FAM184A: variants seen among roughly 807,000 people sequenced by gnomAD.
FAM184A encodes family with sequence similarity 184 member A.
FAM184A carries 99 observed loss-of-function variants against 143.8 expected under a neutral mutation model. That is an observed-to-expected ratio of 0.69 (90% CI 0.58 to 0.81). FAM184A has a LOEUF of 0.81. Among genes scored for constraint, FAM184A ranks in the 40% least tolerant of loss-of-function variants. The pLI, the probability that FAM184A is intolerant of heterozygous loss-of-function variation, is 0.00. For synonymous variants in FAM184A, 427 were observed against 446.4 expected, an observed-to-expected ratio of 0.96 and a Z score of 0.55; for missense variants, 1,217 against 1,310.5, an observed-to-expected ratio of 0.93 and a Z score of 1.10.
chr6:118,983,174 A>G (rs905373481), intron 9 of FAM184A, among the ~76,000 whole-genome samples: 3 of 152,346 alleles, frequency 2.0e-5, no homozygotes, highest in South Asian at 2.1e-4. Flanking sequence ...ATGCAATGCA[A>G]TATCAAAATT....
Position 119,024,386 on chromosome 6 carries a change from C to A in FAM184A, c.587G>T (p.Arg196Leu). 2 of 1,614,154 alleles carry A rather than the reference C, an allele frequency of 1.2e-6. No individual in the cohort carries two copies. The highest frequency in any genetic ancestry group is 2.2e-5 in the South Asian group (2 of 91,080). ...ALEDLQAAHR[R>L]EIQELLKSQQ... ...TGACTTCAATAGCTCTTGTATCTCC[C>A]GTCTGTGAGCAGCTTGCAAGTCTTC... Residue 196 changes from arginine to leucine, a missense_variant, in exon 2 of 18, where the codon CGG becomes CTG. Transcript: ENST00000338891.
intron 1 of FAM184A, among the ~76,000 whole-genome samples, chr6:119,126,472 T>C (rs1789368995): frequency 6.6e-6 from 1 of 152,156 alleles, no homozygotes; most frequent in Non-Finnish European, 1.5e-5. Flanking sequence ...TTGGATCCAC[T>C]GCACTCCAGC....
Position 118,962,072 on chromosome 6 carries a change from G to A in FAM184A, c.3139-109C>T. The A allele has an allele frequency of 5.7e-6, 6 of 1,049,636 alleles. 1 individual carries two copies. In the South Asian group the frequency reaches 8.5e-5, roughly 15 times the overall value. The allele number at this position is 1,049,636 out of a possible 1,614,324, so 65.0% of individuals were successfully genotyped here. On this transcript the variant is annotated intron_variant, in intron 16 of 17. Coordinates refer to ENST00000338891, the MANE Select transcript of FAM184A (RefSeq NM_024581.6). Reference sequence around the variant, plus strand: ...CATGGGAAAATTTTGGAAGCTTTATGTTAAATTAAAATGTTAATTAACCAG... The same window carrying A: ...CATGGGAAAATTTTGGAAGCTTTATATTAAATTAAAATGTTAATTAACCAG...
intron 15 of FAM184A, among the ~76,000 whole-genome samples, chr6:118,965,700 T>C (rs1783481759): frequency 6.6e-6 from 1 of 152,206 alleles, no homozygotes; most frequent in South Asian, 2.1e-4. Flanking sequence ...GGAAGGAGTA[T>C]GGAACAACCC....
At chr6:119,067,755 T>C (rs1041649819) in intron 1 of FAM184A, among the ~76,000 whole-genome samples, 1 of 152,198 alleles carries the variant, frequency 6.6e-6, no homozygotes, top group African/African-American at 2.4e-5. Context: ...TTTTATTTGC[T>C]GCTCAACCTT....
chr6:119,049,851 A>T (rs1057444573), intron 1 of FAM184A, among the ~76,000 whole-genome samples: 1 of 152,242 alleles, frequency 6.6e-6, no homozygotes, highest in Non-Finnish European at 1.5e-5. Context: ...AATTAAGCTA[A>T]AGAGCTTCTG....
upstream of FAM184A, among the ~76,000 whole-genome samples, chr6:119,080,722 G>C (rs1165386989): frequency 1.3e-5 from 2 of 152,172 alleles, no homozygotes; most frequent in Non-Finnish European, 2.9e-5. Flanking sequence ...GTTCCTCTGA[G>C]TGTTGTGTTG....
chr6:119,073,246 T>G (rs1489549604), intron 1 of FAM184A, among the ~76,000 whole-genome samples: 13 of 152,188 alleles, frequency 8.5e-5, no homozygotes, highest in Admixed American at 8.5e-4. Context: ...TAAGAGGACT[T>G]GATGCTAAGC....
chr6:118,960,266 A>G (rs1331153750), intron 17 of FAM184A, 82 bp from the exon 18 acceptor site: 1 of 1,091,492 alleles, frequency 9.2e-7, no homozygotes, highest in African/African-American at 1.6e-5. Context: ...AAACATCAGC[A>G]TAGATTACCA....
intron 2 of FAM184A, 87 bp from the exon 3 acceptor site, chr6:119,023,167 T>G: frequency 7.0e-7 from 1 of 1,434,688 alleles, no homozygotes. Context: ...CAGCTTTCTC[T>G]TATTCAGAAG....
intron 1 of FAM184A, among the ~76,000 whole-genome samples, chr6:119,136,558 AT>A (rs1348851210): frequency 6.6e-6 from 1 of 152,156 alleles, no homozygotes; most frequent in African/African-American, 2.4e-5. Context: ...ACTAGAAAAG[AT>A]TTTTTGGAAG....
At chr6:119,064,921 A>G (rs956645907) in intron 1 of FAM184A, among the ~76,000 whole-genome samples, 1 of 152,166 alleles carries the variant, frequency 6.6e-6, no homozygotes, top group Non-Finnish European at 1.5e-5. Context: ...TAACAATTTT[A>G]TTTCTACTAT....
intron 17 of FAM184A, among the ~76,000 whole-genome samples, chr6:118,960,546 C>T (rs1008726285): frequency 2.6e-5 from 4 of 152,162 alleles, no homozygotes; most frequent in African/African-American, 9.7e-5. Context: ...TTTAGCTGAT[C>T]GTACAGATGT....
At chr6:119,098,331 G>A (rs1370452162) in intron 1 of FAM184A, among the ~76,000 whole-genome samples, 2 of 152,046 alleles carry the variant, frequency 1.3e-5, no homozygotes. Flanking sequence ...AATTAGTCTC[G>A]AGTATGTCTT....
At chr6:119,136,683 G>A (rs186424287) in intron 1 of FAM184A, among the ~76,000 whole-genome samples, 64 of 152,302 alleles carry the variant, frequency 4.2e-4, no homozygotes, top group African/African-American at 1.5e-3. Context: ...GGCAGTATTT[G>A]TTCCTAGATA....
intron 1 of FAM184A, among the ~76,000 whole-genome samples, chr6:119,132,953 G>C (rs1789574045): frequency 6.6e-6 from 1 of 152,212 alleles, no homozygotes; most frequent in Admixed American, 6.5e-5. Context: ...AGGGGACAAA[G>C]AGTGAAATCA....
chr6:119,106,759 G>T (rs1231965338), intron 1 of FAM184A, among the ~76,000 whole-genome samples: 2 of 152,216 alleles, frequency 1.3e-5, no homozygotes, highest in Non-Finnish European at 2.9e-5. Flanking sequence ...GCACAAAGAT[G>T]TTGTAACAAA....
chr6:119,091,782 C>T (rs1246671860), intron 1 of FAM184A, among the ~76,000 whole-genome samples: 1 of 152,156 alleles, frequency 6.6e-6, no homozygotes, highest in Non-Finnish European at 1.5e-5. Flanking sequence ...GGCTAGTGTC[C>T]TTGAAGGTTG....
At chr6:119,023,652 C>T (rs997485167) in intron 2 of FAM184A, among the ~76,000 whole-genome samples, 1 of 148,514 alleles carries the variant, frequency 6.7e-6, no homozygotes, top group African/African-American at 2.5e-5. Context: ...CCTGGGCCCC[C>T]CAAAGTGCTG....
Sources: allele counts gnomAD v4.1 joint callset (sites outside exome capture counted in the v4.1 genomes callset), GRCh38; gene constraint gnomAD v4.1.1; transcripts MANE v1.5; gene names NCBI Gene and HGNC (gene_info 2026-07-23, HGNC 2026-07-21).